GPHN: variants seen among roughly 807,000 people sequenced by gnomAD.
GPHN encodes gephyrin.
GPHN carries 17 observed loss-of-function variants against 95.5 expected under a neutral mutation model. That is an observed-to-expected ratio of 0.18 (90% confidence interval 0.12 to 0.27). The LOEUF (loss-of-function observed/expected upper bound fraction) is 0.27. Ranked by LOEUF, GPHN falls within the 10% of genes least tolerant of loss-of-function variation. The pLI is 1.00. For synonymous variants in GPHN, 320 were observed against 322.5 expected (o/e 0.99, Z 0.08); for missense variants, 660 against 978.1 (o/e 0.67, Z 4.34).
intron 1 of GPHN, among the ~76,000 whole-genome samples, chr14:66,654,304 T>G (rs2065198875): frequency 6.6e-6 from 1 of 151,998 alleles, no homozygotes; most frequent in African/African-American, 2.4e-5. Context: ...GGTTTCAGCA[T>G]CTATGGTCTC....
rs1049293174 is a variant in GPHN, at chr14:66,850,071, A to C, written c.294+25505A>C. Among the ~76,000 whole-genome samples the C allele has an allele frequency of 4.5e-4, 69 of 152,206 alleles. No individual in the cohort carries two copies. The Middle Eastern group carries it at 0.01, about 23-fold the overall frequency. ...GCTGATGCATGATAGTTTATGTTCTAACTATCCTTTTCTTATGTAATGTTC... is the reference window on the plus strand; with the variant it reads ...GCTGATGCATGATAGTTTATGTTCTCACTATCCTTTTCTTATGTAATGTTC... On this transcript the variant is annotated intron_variant, in intron 4 of 22. Coordinates refer to ENST00000478722, the MANE Select transcript of GPHN (RefSeq NM_020806.5).
At chr14:66,998,592 T>C (rs927971657) in intron 9 of GPHN, among the ~76,000 whole-genome samples, 1 of 152,158 alleles carries the variant, frequency 6.6e-6, no homozygotes, top group African/African-American at 2.4e-5. Context: ...AGCATCACTA[T>C]GGAGGTAGCC....
At chr14:66,634,314 C>T (rs987298964) in intron 1 of GPHN, among the ~76,000 whole-genome samples, 7 of 151,212 alleles carry the variant, frequency 4.6e-5, no homozygotes, top group Non-Finnish European at 8.8e-5. Flanking sequence ...AGAATGTTTT[C>T]GCATTGGTTC....
At chr14:66,919,051 G>A (rs1024279929) in intron 6 of GPHN, among the ~76,000 whole-genome samples, 4 of 152,014 alleles carry the variant, frequency 2.6e-5, no homozygotes, top group East Asian at 1.9e-4. Context: ...TTGGTAATAC[G>A]TTATAGATAA....
At chr14:67,211,817 C>T in the GPHN span, among the ~76,000 whole-genome samples, 3 of 152,024 alleles carry the variant, frequency 2.0e-5, no homozygotes, top group Admixed American at 1.3e-4. Context: ...GCACTCCAGC[C>T]CGGGTGATGG....
At chr14:67,732,129 A>T in the GPHN span, among the ~76,000 whole-genome samples, 2 of 118,196 alleles carry the variant, frequency 1.7e-5, no homozygotes, top group African/African-American at 3.0e-5. Context: ...TCTGTCTCAA[A>T]AAAAAAAAAA....
intron 1 of GPHN, among the ~76,000 whole-genome samples, chr14:66,644,941 G>A (rs1000756565): frequency 1.2e-4 from 18 of 151,876 alleles, no homozygotes; most frequent in African/African-American, 4.4e-4. Context: ...TTGTAGTAAG[G>A]CATGTAAATG....
chr14:67,573,526 T>C, the GPHN span: 1 of 658,502 alleles, frequency 1.5e-6, no homozygotes, highest in East Asian at 2.7e-5. The surrounding 1 kb of genome is among the most constrained non-coding windows in gnomAD (Gnocchi z 4.8). Flanking sequence ...GCAACCTCAC[T>C]GGGCCCCTGA....
At chr14:67,454,560 A>G in the GPHN span, 1 of 151,870 alleles carries the variant, frequency 6.6e-6, no homozygotes, top group Non-Finnish European at 1.5e-5. Flanking sequence ...TCATTTATTC[A>G]CTCATTCATT....
intron 18 of GPHN, among the ~76,000 whole-genome samples, chr14:67,148,510 A>G (rs2081034039): frequency 6.6e-6 from 1 of 150,808 alleles, no homozygotes; most frequent in African/African-American, 2.4e-5. Context: ...TTTTAAGAGG[A>G]CCTGCAAGGT....
the GPHN span, among the ~76,000 whole-genome samples, chr14:67,642,679 C>G: frequency 2.0e-5 from 3 of 149,968 alleles, no homozygotes; most frequent in Admixed American, 2.0e-4. Flanking sequence ...TGAGACTTAT[C>G]TTATGACTTT....
the GPHN span, among the ~76,000 whole-genome samples, chr14:67,286,855 C>CAAAAAA: frequency 1.5e-5 from 1 of 67,210 alleles, no homozygotes; most frequent in East Asian, 3.3e-4. Context: ...GACCTGGTCT[C>CAAAAAA]AAAAAAAAAA....
chr14:67,585,964 C>T, the GPHN span: 1 of 1,613,218 alleles, frequency 6.2e-7, no homozygotes. Flanking sequence ...GTGCACATCA[C>T]TTACCCCTAC....
chr14:67,098,744 C>T (rs767606165), intron 12 of GPHN, among the ~76,000 whole-genome samples: 72 of 151,270 alleles, frequency 4.8e-4, no homozygotes, highest in Non-Finnish European at 8.5e-4. Context: ...ATGGCTTGAA[C>T]GCGGGAGGCA....
At chr14:67,410,607 C>T in the GPHN span, among the ~76,000 whole-genome samples, 11 of 152,290 alleles carry the variant, frequency 7.2e-5, no homozygotes, top group South Asian at 2.1e-4. Context: ...AAACAGCCAC[C>T]GCTCTCCTGT....
chr14:67,690,585 A>G, the GPHN span: 1 of 623,890 alleles, frequency 1.6e-6, no homozygotes, highest in Non-Finnish European at 2.8e-6. Flanking sequence ...GGTTTAGGGA[A>G]ATAACAACAG....
intron 3 of GPHN, among the ~76,000 whole-genome samples, chr14:66,790,230 A>G (rs1566947522): frequency 6.6e-6 from 1 of 152,206 alleles, no homozygotes; most frequent in African/African-American, 2.4e-5. Flanking sequence ...ACTTTACTAA[A>G]TGTAACCTCC....
chr14:67,033,639 G>T (rs149553989), intron 10 of GPHN, among the ~76,000 whole-genome samples: 1 of 150,636 alleles, frequency 6.6e-6, no homozygotes, highest in African/African-American at 2.4e-5. Context: ...AGAGTTCCAG[G>T]AGAAAAGGGA....
Position 66,983,310 on chromosome 14 carries a change from C to T in GPHN, c.963+17985C>T, listed in dbSNP as rs79168166. On this transcript the variant is annotated intron_variant, in intron 9 of 22. Transcript: ENST00000478722. ...TAGCTGTGAATTTCTTTTATGTATACTACCCCACTATAACTGATGATTAAT... is the reference window on the plus strand; with the variant it reads ...TAGCTGTGAATTTCTTTTATGTATATTACCCCACTATAACTGATGATTAAT... Among the ~76,000 whole-genome samples, 458 of 152,254 alleles carry T rather than the reference C, an allele frequency of 3.0e-3. 3 individuals are homozygous for T. Among genetic ancestry groups the T allele is most frequent in the African/African-American group, 0.011 (440 of 41,556 alleles).
Sources: allele counts gnomAD v4.1 joint callset (sites outside exome capture counted in the v4.1 genomes callset), GRCh38; gene constraint gnomAD v4.1.1; non-coding constraint Gnocchi (gnomAD v3.1); transcripts MANE v1.5; gene names NCBI Gene and HGNC (gene_info 2026-07-23, HGNC 2026-07-21).